Variants in PTPN12 observed in about 807,000 individuals in gnomAD.
The protein encoded by PTPN12 is protein tyrosine phosphatase non-receptor type 12.
In PTPN12, 29 loss-of-function variants were observed where a neutral mutation model predicts 97.6. The observed-to-expected ratio is 0.30, with a 90% CI of 0.22 to 0.41. The LOEUF (loss-of-function observed/expected upper bound fraction) is 0.41. PTPN12 is among the 10% of genes least tolerant of loss of function. The pLI is 1.00. For missense variants in PTPN12, 819 were observed against 926.0 expected, an observed-to-expected ratio of 0.88 and a Z score of 1.50; for synonymous variants, 327 against 300.4, an observed-to-expected ratio of 1.09 and a Z score of -0.91.
intron 1 of PTPN12, 80 bp downstream of exon 1, chr7:77,537,725 C>T: frequency 2.1e-6 from 3 of 1,449,100 alleles, no homozygotes; most frequent in South Asian, 1.3e-5. Flanking sequence ...GCCGCCAGTG[C>T]TTTGTGTACC....
chr7:77,538,253 C>G (rs1806761211), intron 1 of PTPN12: 1 of 310,198 alleles, frequency 3.2e-6, no homozygotes, highest in African/African-American at 2.3e-5. Context: ...TACCTAATTT[C>G]CATTTACCCG....
intron 1 of PTPN12, among the ~76,000 whole-genome samples, chr7:77,562,178 C>T (rs773260722): frequency 1.3e-5 from 2 of 152,104 alleles, no homozygotes; most frequent in South Asian, 2.1e-4. Context: ...CCCAGCCTCC[C>T]GAGTAGCTGG....
intron 2 of PTPN12, among the ~76,000 whole-genome samples, chr7:77,578,495 C>T (rs1787407642): frequency 6.6e-6 from 1 of 152,138 alleles, no homozygotes; most frequent in Non-Finnish European, 1.5e-5. Flanking sequence ...GCAAGTATAT[C>T]TTCCTTATAT....
chr7:77,563,055 A>G (rs1808072405), intron 1 of PTPN12, among the ~76,000 whole-genome samples: 1 of 152,010 alleles, frequency 6.6e-6, no homozygotes, highest in Non-Finnish European at 1.5e-5. Flanking sequence ...AGTCTGTAGT[A>G]CAAGGTTTTA....
intron 5 of PTPN12, among the ~76,000 whole-genome samples, chr7:77,591,720 G>C (rs747363090): frequency 1.4e-4 from 21 of 152,122 alleles, no homozygotes; most frequent in Non-Finnish European, 2.6e-4. Flanking sequence ...ATTAGTACTT[G>C]CAAAATTCTT....
chr7:77,632,036 T>G (rs1294324816), intron 13 of PTPN12, among the ~76,000 whole-genome samples: 3 of 152,186 alleles, frequency 2.0e-5, no homozygotes, highest in African/African-American at 7.2e-5. Flanking sequence ...CAAAACATCA[T>G]CAGTAAGCTC....
intron 11 of PTPN12, among the ~76,000 whole-genome samples, chr7:77,614,213 A>G (rs1019956163): frequency 5.9e-5 from 9 of 152,164 alleles, no homozygotes; most frequent in Non-Finnish European, 1.3e-4. Context: ...ACTTTTAACT[A>G]TATTTAAATA....
rs1440830270 is a variant in PTPN12 at position 77,600,649 on chromosome 7, C to A, written c.553-15C>A. ...AAGTATTTTCATAATTGTTGACTTTCTGTTTTTCTTGAAGGAATCTCGTAG... is the reference window on the plus strand; with the variant it reads ...AAGTATTTTCATAATTGTTGACTTTATGTTTTTCTTGAAGGAATCTCGTAG... On this transcript the variant is annotated splice_polypyrimidine_tract_variant and intron_variant, in intron 7 of 17. Coordinates refer to ENST00000248594, the MANE Select transcript of PTPN12 (RefSeq NM_002835.4). 1.3e-6 allele frequency: 2 copies of A among 1,562,968 alleles called. No homozygotes were observed. Among genetic ancestry groups the A allele is most frequent in the Admixed American group, 2.0e-5 (1 of 49,142 alleles).
At chr7:77,576,958 G>A (rs761736608) in intron 2 of PTPN12, among the ~76,000 whole-genome samples, 3 of 152,202 alleles carry the variant, frequency 2.0e-5, no homozygotes, top group Non-Finnish European at 2.9e-5. Flanking sequence ...AATCCTGGAA[G>A]GCCTGGCTGA....
At position 77,538,008 on chromosome 7, in the gene PTPN12, C is replaced by A. The variant is rs189564491; in HGVS notation, c.99+363C>A. On this transcript the variant is annotated intron_variant, in intron 1 of 17. Transcript: ENST00000248594. ...GGGGGGGCTCGCGTTTCCACACCTC[C>A]CCGCGCAGTTCGCTCCTCCCAGGAG... The A allele has an allele frequency of 9.5e-5, 98 of 1,034,566 alleles. No homozygotes were observed. The African/African-American group carries it at 1.6e-3, about 17-fold the overall frequency. 64.1% of individuals were successfully genotyped at this position (1,034,566 alleles called of 1,614,324 possible).
At position 77,626,696 on chromosome 7, in the gene PTPN12, G is replaced by A. The variant is rs1413223980; in HGVS notation, c.1026-9G>A. ...CTTAAAATGCCCTTTTTAAATGTTTGTTTTTCAGTTGCCTTGTTGAAGGGG... is the reference window on the plus strand; with the variant it reads ...CTTAAAATGCCCTTTTTAAATGTTTATTTTTCAGTTGCCTTGTTGAAGGGG... On this transcript the variant is annotated splice_polypyrimidine_tract_variant and intron_variant, in intron 12 of 17. Transcript: ENST00000248594. 1.3e-6 allele frequency: 2 copies of A among 1,579,142 alleles called. No individual in the cohort carries two copies. Among genetic ancestry groups the A allele is most frequent in the Admixed American group, 1.9e-5 (1 of 53,138 alleles).
chr7:77,635,855 T>A lies in PTPN12; in HGVS notation c.2142+6T>A. ...CTGAACAAAAAAAGTCTGAAGTAAGTCCTTTTGGAATTGGAACAGTTATAG... is the reference window on the plus strand; with the variant it reads ...CTGAACAAAAAAAGTCTGAAGTAAGACCTTTTGGAATTGGAACAGTTATAG... On this transcript the variant is annotated splice_donor_region_variant and intron_variant, in intron 15 of 17. Coordinates refer to ENST00000248594, the MANE Select transcript of PTPN12 (RefSeq NM_002835.4). 6.3e-7 allele frequency: 1 copy of A among 1,592,608 alleles called. No homozygotes were observed. The highest frequency in any genetic ancestry group is 8.6e-7 in the Non-Finnish European group (1 of 1,167,512).
intron 5 of PTPN12, among the ~76,000 whole-genome samples, chr7:77,586,778 C>A (rs1272704838): frequency 1.3e-5 from 2 of 152,184 alleles, no homozygotes; most frequent in Admixed American, 1.3e-4. Context: ...ATTTAATGTC[C>A]TAAATCCTTT....
chr7:77,576,901 T>C (rs1787361470), intron 2 of PTPN12, among the ~76,000 whole-genome samples: 1 of 152,186 alleles, frequency 6.6e-6, no homozygotes, highest in African/African-American at 2.4e-5. Flanking sequence ...CCCAGTCTGC[T>C]GTGGCAGTGG....
chr7:77,610,192 G>T (rs754442381), intron 9 of PTPN12, among the ~76,000 whole-genome samples: 1 of 152,158 alleles, frequency 6.6e-6, no homozygotes, highest in Non-Finnish European at 1.5e-5. Context: ...TCCCCAACTT[G>T]GAGCCAAAGG....
chr7:77,605,752 A>G (rs980761447), intron 8 of PTPN12, among the ~76,000 whole-genome samples: 1 of 151,836 alleles, frequency 6.6e-6, no homozygotes, highest in Non-Finnish European at 1.5e-5. Context: ...AACCTATGGT[A>G]TGTTACTCTA....
intron 11 of PTPN12, among the ~76,000 whole-genome samples, chr7:77,615,454 A>G (rs1453234440): frequency 6.6e-6 from 1 of 152,220 alleles, no homozygotes; most frequent in African/African-American, 2.4e-5. Flanking sequence ...AAAACAAGAG[A>G]ACACAGGCTA....
chr7:77,558,664 A>T (rs1278802920), intron 1 of PTPN12, among the ~76,000 whole-genome samples: 1 of 152,128 alleles, frequency 6.6e-6, no homozygotes, highest in Non-Finnish European at 1.5e-5. Context: ...GGGAACTTAG[A>T]CTTTTGGGAG....
intron 1 of PTPN12, among the ~76,000 whole-genome samples, chr7:77,543,586 T>C (rs1807085155): frequency 6.6e-6 from 1 of 152,192 alleles, no homozygotes; most frequent in Admixed American, 6.5e-5. Flanking sequence ...CACTAGTTTT[T>C]TATTACATTG....
Sources: gnomAD v4.1 joint callset for allele counts (sites outside exome capture counted in the v4.1 genomes callset) on GRCh38, gnomAD v4.1.1 for gene constraint, MANE v1.5 for transcripts, NCBI Gene and HGNC (gene_info 2026-07-23, HGNC 2026-07-21) for gene names.